Variants in ATP1A2 observed in about 807,000 individuals in gnomAD.
The protein encoded by ATP1A2 is ATPase Na+/K+ transporting subunit alpha 2.
Under a neutral mutation model 113.1 loss-of-function variants are expected in ATP1A2, and 56 were observed. That is an observed-to-expected ratio of 0.49 (90% CI 0.40 to 0.62). ATP1A2 has a LOEUF of 0.62. Among genes scored for constraint, ATP1A2 ranks in the 20% least tolerant of loss-of-function variants. The pLI is 0.00. For missense variants in ATP1A2, 712 were observed against 1,357.8 expected (o/e 0.52, Z 7.47); for synonymous variants, 490 against 526.8 (o/e 0.93, Z 0.96).
chr1:160,125,500 G>A (rs1651560111), intron 7 of ATP1A2: 1 of 509,484 alleles, frequency 2.0e-6, no homozygotes. Flanking sequence ...CCCCAAGACT[G>A]AGTGGATTTC....
In ATP1A2 at chr1:160,134,554, A is replaced by T; in HGVS notation, c.1898A>T (p.Glu633Val). Reference sequence around the variant, plus strand: ...GCCAAAGGCGTGGGCATCATATCAGAGGGTAACGAGACTGTGGAGGACATT... The same window carrying T: ...GCCAAAGGCGTGGGCATCATATCAGTGGGTAACGAGACTGTGGAGGACATT... Reference protein sequence around the residue: ...AIAKGVGIISEGNETVEDIAA... With the variant: ...AIAKGVGIISVGNETVEDIAA... Residue 633 changes from glutamate (E) to valine (V), a missense_variant, in exon 14 of 23, where the codon GAG (glutamate) becomes GTG (valine). This residue lies in a region of ATP1A2 where 263 missense variants were observed against 380.6 expected (regional missense o/e 0.69). Coordinates refer to ENST00000361216, the MANE Select transcript of ATP1A2 (RefSeq NM_000702.4). 6.2e-7 allele frequency: 1 copy of T among 1,614,162 alleles called. No individual in the cohort carries two copies. Among genetic ancestry groups the T allele is most frequent in the Non-Finnish European group, 8.5e-7 (1 of 1,180,022 alleles).
At chr1:160,132,768 G>C (rs139957655) in intron 13 of ATP1A2, among the ~76,000 whole-genome samples, 320 of 152,272 alleles carry the variant, frequency 2.1e-3, no homozygotes, top group African/African-American at 7.2e-3. Flanking sequence ...GCTCATGAAA[G>C]ATGGTCAGGA....
Position 160,140,945 on chromosome 1 carries a change from C to T in ATP1A2, c.3035-349C>T, listed in dbSNP as rs964264877. ...TGGCACGATCTCGGCTCACTGCAAG[C>T]TCCGCCTCCTGGGTTCAAGCAATTC... On this transcript the variant is annotated intron_variant, in intron 22 of 22. Transcript: ENST00000361216. 1.3e-4 allele frequency among the ~76,000 whole-genome samples: 19 copies of T among 145,978 alleles called. 2 individuals carry two copies. The highest frequency in any genetic ancestry group is 3.8e-3 in the Middle Eastern group (1 of 266).
At chr1:160,124,451 C>T (rs1392978881) in intron 6 of ATP1A2, 21 bp downstream of exon 6, 1 of 1,593,922 alleles carries the variant, frequency 6.3e-7, no homozygotes, top group Non-Finnish European at 8.5e-7. Context: ...CATACCAGAG[C>T]AAGCAGTTGA....
Position 160,134,973 on chromosome 1 carries a change from A to G in ATP1A2, c.1965-172A>G, listed in dbSNP as rs1015082765. On this transcript the variant is annotated intron_variant, in intron 14 of 22. Transcript: ENST00000361216. ...TCCCATGGTGAGGATTTAGACTCACATTCTCAAAGAGAAATGGGGGAAGTG... is the reference window on the plus strand; with the variant it reads ...TCCCATGGTGAGGATTTAGACTCACGTTCTCAAAGAGAAATGGGGGAAGTG... Among the ~76,000 whole-genome samples, 8 of 152,348 alleles carry G rather than the reference A, an allele frequency of 5.3e-5. No homozygotes were observed. The East Asian group carries it at 1.5e-3, about 29-fold the overall frequency.
rs1328146735 is a variant in ATP1A2 at position 160,136,078 on chromosome 1, C to T, written c.2439+85C>T. 6 of 1,609,168 alleles carry T rather than the reference C, an allele frequency of 3.7e-6. No homozygotes were observed. In the African/African-American group the frequency reaches 8.0e-5, roughly 22 times the overall value. On this transcript the variant is annotated intron_variant, in intron 17 of 22. Coordinates refer to ENST00000361216, the MANE Select transcript of ATP1A2 (RefSeq NM_000702.4). ...GAGGAGAGGTGCACTGGGGCAGTGG[C>T]CCCAGCTGTGGGGGTTACAGGAGAC... is the stretch of plus-strand genomic sequence containing the variant.
At chr1:160,138,720 A>G (rs1453428147) in intron 20 of ATP1A2, among the ~76,000 whole-genome samples, 2 of 152,178 alleles carry the variant, frequency 1.3e-5, no homozygotes, top group Non-Finnish European at 2.9e-5. Flanking sequence ...ACACACCTGT[A>G]ATTCCAGCTA....
At chr1:160,129,113 G>C (rs778544889) in intron 10 of ATP1A2, 24 bp downstream of exon 10, 1 of 1,582,740 alleles carries the variant, frequency 6.3e-7, no homozygotes, top group South Asian at 1.1e-5. Flanking sequence ...ACACACACCA[G>C]GTATGTTTTG....
intron 5 of ATP1A2, 89 bp from the exon 6 acceptor site, chr1:160,124,207 T>C (rs970089274): frequency 6.4e-7 from 1 of 1,554,040 alleles, no homozygotes; most frequent in African/African-American, 1.4e-5. Context: ...ATGGGGCTTC[T>C]CCTTCTGCTT....
intron 4 of ATP1A2, 77 bp from the exon 5 acceptor site, chr1:160,123,866 C>T: frequency 7.7e-7 from 1 of 1,301,616 alleles, no homozygotes. Flanking sequence ...ATGGCACTGC[C>T]TGCTCATCCC....
Position 160,130,519 on chromosome 1 carries a change from G to A in ATP1A2, c.1749G>A (p.Val583=). ...TTCCCACGGAGAAGCTTTGCTTTGT[G>A]GGGCTCATGTCTATGATTGACCCTC... The part of the protein sequence containing the change: ...LNFPTEKLCF[V]GLMSMIDPPR... The change falls in exon 13 of 23, where the codon GTG becomes GTA. Residue 583 remains valine (V), a synonymous_variant. Coordinates refer to ENST00000361216, the MANE Select transcript of ATP1A2 (RefSeq NM_000702.4). 6.2e-7 allele frequency: 1 copy of A among 1,614,212 alleles called. No homozygotes were observed. The highest frequency in any genetic ancestry group is 8.5e-7 in the Non-Finnish European group (1 of 1,180,028).
At chr1:160,132,307 C>T (rs1227591129) in intron 13 of ATP1A2, among the ~76,000 whole-genome samples, 3 of 151,992 alleles carry the variant, frequency 2.0e-5, no homozygotes, top group African/African-American at 7.3e-5. Flanking sequence ...GGCTTAAATG[C>T]CAGACTTGGG....
At chr1:160,128,513 T>C in intron 8 of ATP1A2, 139 bp from the exon 9 acceptor site, 1 of 1,545,884 alleles carries the variant, frequency 6.5e-7, no homozygotes, top group Non-Finnish European at 8.7e-7. Context: ...TGAACATTCA[T>C]TATTTACAGC....
In ATP1A2 at chr1:160,135,075, G is replaced by A. The variant is rs946147373; in HGVS notation, c.1965-70G>A. 1.2e-6 allele frequency: 2 copies of A among 1,604,816 alleles called. No individual in the cohort carries two copies. The highest frequency in any genetic ancestry group is 2.2e-5 in the East Asian group (1 of 44,604). On this transcript the variant is annotated intron_variant, in intron 14 of 22. Transcript: ENST00000361216. The surrounding 1 kb of genome is among the most constrained non-coding windows in gnomAD (Gnocchi z 6.3). The stretch of plus-strand genomic sequence containing the variant: ...AGCCTGCAGGCTGCGGTGGTGAAGA[G>A]AGGCAGGGGGCAGGAGGGGCTGGTA...
rs1057523810 is a variant in ATP1A2 at position 160,124,419 on chromosome 1, C to T, written c.619C>T (p.His207Tyr). The change falls in exon 6 of 23, where the codon CAT becomes TAT. Residue 207 changes from histidine to tyrosine, a missense_variant. By Grantham distance (83) the His-to-Tyr change is moderately conservative. Transcript: ENST00000361216. ...VPADLRIISS[H>Y]GCKVDNSSLT... is the part of the protein sequence containing the mutation. Reference sequence around the variant, plus strand: ...TGCTGACCTCCGGATCATCTCTTCTCATGGCTGTAAGGTGAGGAGGTCATA... The same window carrying T: ...TGCTGACCTCCGGATCATCTCTTCTTATGGCTGTAAGGTGAGGAGGTCATA... The T allele has an allele frequency of 1.2e-6, 2 of 1,608,866 alleles. No individual in the cohort carries two copies. Among genetic ancestry groups the T allele is most frequent in the Non-Finnish European group, 1.7e-6 (2 of 1,177,816 alleles).
rs758168624 is a variant in ATP1A2, at chr1:160,118,831, G to A, written c.13-2075G>A. 2.6e-5 allele frequency among the ~76,000 whole-genome samples: 4 copies of A among 151,864 alleles called. 1 individual carries two copies. Among genetic ancestry groups the A allele is most frequent in the Admixed American group, 2.0e-4 (3 of 15,240 alleles). ...CTACCTCTCAAGATGCTGAATTGGCGACCTCTTATGAACAAGGCAGCTGCC... is the reference window on the plus strand; with the variant it reads ...CTACCTCTCAAGATGCTGAATTGGCAACCTCTTATGAACAAGGCAGCTGCC... On this transcript the variant is annotated intron_variant, in intron 1 of 22. Transcript: ENST00000361216.
At chr1:160,126,464 A>C (rs1234633716) in intron 7 of ATP1A2, among the ~76,000 whole-genome samples, 1 of 151,998 alleles carries the variant, frequency 6.6e-6, no homozygotes, top group African/African-American at 2.4e-5. Flanking sequence ...TACATTTCCT[A>C]AGTTTGTTTT....
intron 14 of ATP1A2, 82 bp downstream of exon 14, chr1:160,134,702 T>TG: frequency 6.2e-7 from 1 of 1,602,600 alleles, no homozygotes; most frequent in Non-Finnish European, 8.5e-7. Flanking sequence ...TGGGAGTATT[T>TG]GGATAGCATT....
chr1:160,136,012 G>C lies in ATP1A2; in HGVS notation c.2439+19G>C. On this transcript the variant is annotated intron_variant, in intron 17 of 22. Coordinates refer to ENST00000361216, the MANE Select transcript of ATP1A2 (RefSeq NM_000702.4). ...AGATATGGTGAGCGCAGGAGGTGGAGGAGGGGACAGGCAAGGCAATCGTGA... is the reference window on the plus strand; with the variant it reads ...AGATATGGTGAGCGCAGGAGGTGGACGAGGGGACAGGCAAGGCAATCGTGA... 1 of 1,614,166 alleles carries C rather than the reference G, an allele frequency of 6.2e-7. No individual in the cohort carries two copies. Among genetic ancestry groups the C allele is most frequent in the Non-Finnish European group, 8.5e-7 (1 of 1,180,030 alleles).
Sources: allele counts gnomAD v4.1 joint callset (sites outside exome capture counted in the v4.1 genomes callset), GRCh38; gene constraint gnomAD v4.1.1; regional missense constraint gnomAD v4.1.1; non-coding constraint Gnocchi (gnomAD v3.1); transcripts MANE v1.5; gene names NCBI Gene and HGNC (gene_info 2026-07-23, HGNC 2026-07-21).